Variants in MLLT6 observed in about 807,000 individuals in gnomAD.
MLLT6 encodes protein AF-17.
MLLT6 carries 22 observed loss-of-function variants against 103.0 expected under a neutral mutation model. The ratio of observed to expected loss-of-function variants is 0.21; its 90% CI spans 0.15 to 0.31. The LOEUF is 0.31. Among genes scored for constraint, MLLT6 ranks in the 10% least tolerant of loss-of-function variants. The pLI, the probability that MLLT6 is intolerant of heterozygous loss-of-function variation, is 1.00. For synonymous variants in MLLT6, 606 were observed against 623.5 expected, an observed-to-expected ratio of 0.97 and a Z score of 0.42; for missense variants, 1,199 against 1,441.7, an observed-to-expected ratio of 0.83 and a Z score of 2.73.
rs1906069683 is a variant in MLLT6 at position 38,727,010 on chromosome 17, T to C, written c.*1412T>C. ...GCAAGGCGAAGCCTGTGTCCCTGTT[T>C]CAGTTGCACTGGGGTTGGAGCCCAG... On this transcript the variant is annotated 3_prime_UTR_variant, in exon 20 of 20. Coordinates refer to ENST00000621332, the MANE Select transcript of MLLT6 (RefSeq NM_005937.4). 4.3e-6 allele frequency: 1 copy of C among 233,648 alleles called. No homozygotes were observed. The highest frequency in any genetic ancestry group is 2.2e-5 in the African/African-American group (1 of 45,348). The allele number at this position is 233,648 out of a possible 1,614,324, so 14.5% of individuals were successfully genotyped here. A position where few individuals can be genotyped will look rare whatever the true frequency, so the allele number is the denominator to read the frequency against.
At position 38,729,576 on chromosome 17, in the gene MLLT6, A is replaced by T. The variant is rs546474453; in HGVS notation, c.*3978A>T. On this transcript the variant is annotated 3_prime_UTR_variant, in exon 20 of 20. Transcript: ENST00000621332. ...ACCCTTCCTAGGGAGCAGGGAGGGGAAGCCACAGATTGCAAACCCAGGGGC... is the reference window on the plus strand; with the variant it reads ...ACCCTTCCTAGGGAGCAGGGAGGGGTAGCCACAGATTGCAAACCCAGGGGC... 1 of 232,584 alleles carries T rather than the reference A, an allele frequency of 4.3e-6. No homozygotes were observed. Among genetic ancestry groups the T allele is most frequent in the African/African-American group, 2.2e-5 (1 of 45,294 alleles). 14.4% of individuals were successfully genotyped at this position (232,584 alleles called of 1,614,324 possible).
Position 38,709,174 on chromosome 17 carries a change from C to A in MLLT6, c.356C>A (p.Thr119Asn), listed in dbSNP as rs775205911. The stretch of plus-strand genomic sequence containing the variant: ...GGACGATTGCGCTGTGTCCTGCAGA[C>A]CTGTTACATCTGCGAGGAGCAGGGC... ...QYVPHDRFNK[T>N]CYICEEQGRE... Residue 119 changes from threonine to asparagine, a missense_variant and splice_region_variant, in exon 5 of 20, where the codon ACC becomes AAC. Transcript: ENST00000621332. The surrounding 1 kb of genome is among the most constrained non-coding windows in gnomAD (Gnocchi z 4.3). 5.0e-6 allele frequency: 8 copies of A among 1,610,252 alleles called. No homozygotes were observed. In the Admixed American group the frequency reaches 1.4e-4, roughly 27 times the overall value.
intron 17 of MLLT6, 138 bp from the exon 18 acceptor site, chr17:38,722,540 C>CT: frequency 1.5e-6 from 1 of 653,702 alleles, no homozygotes. Flanking sequence ...GCACGGTGCT[C>CT]TAAGATCGCA....
chr17:38,722,329 T>C (rs118191934), intron 17 of MLLT6, 102 bp downstream of exon 17: 15,497 of 908,656 alleles, frequency 0.017, 158 homozygotes, highest in Non-Finnish European at 0.02. Flanking sequence ...AAAGGAAAAA[T>C]GGCCTCTGGT....
chr17:38,720,736 ACTT>A lies in MLLT6; in HGVS notation c.2437_2439del (p.Ser813del), dbSNP rs1329397724. 1.2e-5 allele frequency: 19 copies of A among 1,613,614 alleles called. No homozygotes were observed. The highest frequency in any genetic ancestry group is 3.3e-5 in the Admixed American group (2 of 59,996). On this transcript the variant is annotated inframe_deletion, in exon 16 of 20. Coordinates refer to ENST00000621332, the MANE Select transcript of MLLT6 (RefSeq NM_005937.4). Reference sequence around the variant, plus strand: ...CCTCGGCCTGGACAACTCGCTGTCCACTTCTTCTGAGGTGGGCGCTACGAGGAG... The same window carrying A: ...CCTCGGCCTGGACAACTCGCTGTCCACTTCTGAGGTGGGCGCTACGAGGAG...
At chr17:38,711,506 C>T (rs1399769337) in intron 6 of MLLT6, among the ~76,000 whole-genome samples, 2 of 152,052 alleles carry the variant, frequency 1.3e-5, no homozygotes, top group East Asian at 3.9e-4. Context: ...AGAAACGGGC[C>T]GTGGCTCAGT....
chr17:38,713,128 G>A (rs182937010), intron 8 of MLLT6: 7 of 711,682 alleles, frequency 9.8e-6, no homozygotes, highest in Non-Finnish European at 1.8e-5. Flanking sequence ...TGTCCCCAGA[G>A]ATCGGTAGAG....
Position 38,720,531 on chromosome 17 carries a change from A to T in MLLT6, c.2315A>T (p.Asn772Ile). 1 of 1,612,312 alleles carries T rather than the reference A, an allele frequency of 6.2e-7. No homozygotes were observed. Among genetic ancestry groups the T allele is most frequent in the Non-Finnish European group, 8.5e-7 (1 of 1,179,600 alleles). ...PALPAALPAA[N>I]GPVPGPYGLP... ...CTGCCTGCTGCCCTGCCTGCCGCCA[A>T]CGGCCCTGTCCCTGGGCCCTATGGC... Residue 772 changes from asparagine to isoleucine, a missense_variant, in exon 15 of 20, where the codon AAC becomes ATC. Around this residue, in one of 7 missense-constraint regions of MLLT6, gnomAD observed 1,034 missense variants for 1,091.5 expected, o/e 0.95. Coordinates refer to ENST00000621332, the MANE Select transcript of MLLT6 (RefSeq NM_005937.4).
chr17:38,715,322 C>A lies in MLLT6; in HGVS notation c.820-290C>A, dbSNP rs140906389. 2.0e-3 allele frequency: 805 copies of A among 397,460 alleles called. 7 individuals are homozygous for A. Among genetic ancestry groups the A allele is most frequent in the African/African-American group, 0.015 (742 of 49,798 alleles). The allele number at this position is 397,460 out of a possible 1,614,324, so 24.6% of individuals were successfully genotyped here. The stretch of plus-strand genomic sequence containing the variant: ...GAGTAAATCTCTTCAGACTCTGGGA[C>A]TGTTTTCATCTCCCTCTTGGCTTCC... On this transcript the variant is annotated intron_variant, in intron 8 of 19. Transcript: ENST00000621332.
Position 38,707,551 on chromosome 17 carries a change from C to T in MLLT6, c.244+11C>T. ...GGACTGATAATGGAGGTGAGGCGGGCTCATCTGCTGAGGTCAGCAGGGCCC... is the reference window on the plus strand; with the variant it reads ...GGACTGATAATGGAGGTGAGGCGGGTTCATCTGCTGAGGTCAGCAGGGCCC... On this transcript the variant is annotated intron_variant, in intron 3 of 19. Coordinates refer to ENST00000621332, the MANE Select transcript of MLLT6 (RefSeq NM_005937.4). 6.2e-7 allele frequency: 1 copy of T among 1,613,886 alleles called. No individual in the cohort carries two copies. The highest frequency in any genetic ancestry group is 1.6e-4 in the Middle Eastern group (1 of 6,062).
rs746937830 is a variant in MLLT6, at chr17:38,728,396, A to C, written c.*2798A>C. The C allele has an allele frequency of 4.8e-5, 11 of 230,412 alleles. No homozygotes were observed. The highest frequency in any genetic ancestry group is 2.5e-3 in the Middle Eastern group (2 of 806). The allele number at this position is 230,412 out of a possible 1,614,324, so 14.3% of individuals were successfully genotyped here. ...TAGATCTCTTTGTCTGGGGGAGGGG[A>C]AGGATGTGGTTTGCAGAGCGGAAGC... On this transcript the variant is annotated 3_prime_UTR_variant, in exon 20 of 20. Transcript: ENST00000621332.
rs754910047 is a variant in MLLT6, at chr17:38,709,618, G to T, written c.552+43G>T. On this transcript the variant is annotated intron_variant, in intron 6 of 19. Coordinates refer to ENST00000621332, the MANE Select transcript of MLLT6 (RefSeq NM_005937.4). This position sits in a 1 kb window ranked among gnomAD's most constrained non-coding sequence, Gnocchi z 4.3. Reference sequence around the variant, plus strand: ...GCGCATGAGCGGGTCAGTCAGCTGTGGTAAGATGGTTAGAGGGCATGGGCT... The same window carrying T: ...GCGCATGAGCGGGTCAGTCAGCTGTTGTAAGATGGTTAGAGGGCATGGGCT... 3.3e-6 allele frequency: 5 copies of T among 1,503,764 alleles called. No individual in the cohort carries two copies. In the South Asian group the frequency reaches 3.4e-5, roughly 10 times the overall value. 93.2% of individuals were successfully genotyped at this position (1,503,764 alleles called of 1,614,324 possible). A position where few individuals can be genotyped will look rare whatever the true frequency, so the allele number is the denominator to read the frequency against.
chr17:38,715,771 G>GCCTCCTCTTCTTCCT lies in MLLT6; in HGVS notation c.990_1004dup (p.Ser334_Ser338dup), dbSNP rs1567926465. The GCCTCCTCTTCTTCCT allele has an allele frequency of 6.2e-7, 1 of 1,612,882 alleles. No homozygotes were observed. The highest frequency in any genetic ancestry group is 1.3e-5 in the African/African-American group (1 of 74,890). ...GAAAGGTGTGAGCAGTTTTACCTCC[G>GCCTCCTCTTCTTCCT]CCTCCTCTTCTTCCTCCTCCTCTTC... On this transcript the variant is annotated inframe_insertion, in exon 9 of 20. Coordinates refer to ENST00000621332, the MANE Select transcript of MLLT6 (RefSeq NM_005937.4).
Position 38,724,654 on chromosome 17 carries a change from A to G in MLLT6, c.2918A>G (p.Gln973Arg). The change falls in exon 19 of 20, where the codon CAG becomes CGG. Residue 973 changes from glutamine to arginine, a missense_variant. By Grantham distance (43) the Gln-to-Arg change is conservative. Around this residue, in one of 7 missense-constraint regions of MLLT6, gnomAD observed 1,034 missense variants for 1,091.5 expected, o/e 0.95. Transcript: ENST00000621332. This position sits in a 1 kb window ranked among gnomAD's most constrained non-coding sequence, Gnocchi z 5.4. ...HQTVVYQMIQ[Q>R]IQQKRELQRL... is the part of the protein sequence containing the mutation. ...ACTGTTGTCTACCAGATGATCCAGCAGATCCAGCAGAAACGGGAGCTGCAG... is the reference window on the plus strand; with the variant it reads ...ACTGTTGTCTACCAGATGATCCAGCGGATCCAGCAGAAACGGGAGCTGCAG... 1 of 1,609,564 alleles carries G rather than the reference A, an allele frequency of 6.2e-7. No individual in the cohort carries two copies. Among genetic ancestry groups the G allele is most frequent in the Non-Finnish European group, 8.5e-7 (1 of 1,177,438 alleles).
At chr17:38,719,170 C>G (rs928305263) in intron 12 of MLLT6, 1 of 364,352 alleles carries the variant, frequency 2.7e-6, no homozygotes, top group African/African-American at 2.1e-5. Context: ...AGCCCAAGGT[C>G]ACAAAAGTTG....
At chr17:38,720,195 C>A in intron 14 of MLLT6, 177 bp from the exon 15 acceptor site, 1 of 714,940 alleles carries the variant, frequency 1.4e-6, no homozygotes, top group Non-Finnish European at 2.3e-6. Context: ...CCCAGGTCTT[C>A]ACACCTGTGG....
Position 38,716,484 on chromosome 17 carries a change from C to G in MLLT6, c.1154C>G (p.Ala385Gly), listed in dbSNP as rs775234842. 2.5e-6 allele frequency: 4 copies of G among 1,614,178 alleles called. No individual in the cohort carries two copies. In the Admixed American group the frequency reaches 6.7e-5, roughly 27 times the overall value. Reference protein sequence around the residue: ...PAPSAPPSPSAPEPPKADLFE... With the variant: ...PAPSAPPSPSGPEPPKADLFE... ...CCTTCAGCCCCTCCTTCTCCCTCAG[C>G]TCCCGAGCCCCCCAAGGCTGACCTT... The change falls in exon 10 of 20, where the codon GCT (alanine) becomes GGT (glycine). Residue 385 changes from alanine (A) to glycine (G), a missense_variant. Ala to Gly is a moderately conservative substitution (Grantham distance 60). Transcript: ENST00000621332. This position sits in a 1 kb window ranked among gnomAD's most constrained non-coding sequence, Gnocchi z 5.6.
At position 38,719,740 on chromosome 17, in the gene MLLT6, C is replaced by A. The variant is rs778858232; in HGVS notation, c.2010-10C>A. ...CGGGTCGACTGAACCCAGGTTCCCT[C>A]TGGCCGCAGGTCCCCCATCAGCAGC... On this transcript the variant is annotated splice_polypyrimidine_tract_variant and intron_variant, in intron 13 of 19. Transcript: ENST00000621332. 1.2e-6 allele frequency: 2 copies of A among 1,604,840 alleles called. No individual in the cohort carries two copies. The highest frequency in any genetic ancestry group is 1.7e-6 in the Non-Finnish European group (2 of 1,174,060).
chr17:38,711,781 CT>C, intron 6 of MLLT6, 65 bp from the exon 7 acceptor site: 1 of 1,452,414 alleles, frequency 6.9e-7, no homozygotes, highest in South Asian at 1.5e-5. Flanking sequence ...ATCCTCTAAC[CT>C]TCTGGAAGCG....
Sources: allele counts gnomAD v4.1 joint callset (sites outside exome capture counted in the v4.1 genomes callset), GRCh38; gene constraint gnomAD v4.1.1; regional missense constraint gnomAD v4.1.1; non-coding constraint Gnocchi (gnomAD v3.1); transcripts MANE v1.5; gene names NCBI Gene and HGNC (gene_info 2026-07-23, HGNC 2026-07-21).